The following SLC2A10 variants were observed in gnomAD, a reference collection of about 807,000 sequenced individuals.
SLC2A10 encodes solute carrier family 2 member 10, also known as solute carrier family 2, facilitated glucose transporter member 10.
Under a neutral mutation model 32.1 loss-of-function variants are expected in SLC2A10, and 25 were observed. The ratio of observed to expected loss-of-function variants is 0.78; its 90% confidence interval spans 0.57 to 1.09. The LOEUF (loss-of-function observed/expected upper bound fraction) is 1.09. Among genes scored for constraint, SLC2A10 ranks in the 50% least tolerant of loss-of-function variants. The probability of loss-of-function intolerance (pLI) is 0.00; values close to 1 mark genes in which losing one functional copy is unlikely to be tolerated. For missense variants in SLC2A10, 673 were observed against 686.5 expected (o/e 0.98, Z 0.22); for synonymous variants, 332 against 309.6 (o/e 1.07, Z -0.76).
Position 46,717,607 on chromosome 20 carries a change from A to G in SLC2A10, c.5-7434A>G, listed in dbSNP as rs1295310142. 4.6e-5 allele frequency among the ~76,000 whole-genome samples: 7 copies of G among 151,904 alleles called. No individual in the cohort carries two copies. The East Asian group carries it at 1.4e-3, about 29-fold the overall frequency. On this transcript the variant is annotated intron_variant, in intron 1 of 4. Coordinates refer to ENST00000359271, the MANE Select transcript of SLC2A10 (RefSeq NM_030777.4). ...GCCATGTTGGCCAGGCTGTTCTCGA[A>G]CTCCTGACCACAGGTGATCCACCTG... is the stretch of plus-strand genomic sequence containing the variant.
intron 4 of SLC2A10, 137 bp downstream of exon 4, chr20:46,729,625 GTTTTTTTTTTTTTTTTTTTTT>G (rs68037732): frequency 7.9e-5 from 25 of 318,208 alleles, no homozygotes; most frequent in Admixed American, 1.7e-4. Flanking sequence ...GGCACTATGA[GTTTTTTTTTTTTTTTTTTTTT>G]TTTTTTTTTT....
intron 1 of SLC2A10, among the ~76,000 whole-genome samples, chr20:46,723,417 C>T (rs1296265696): frequency 6.6e-6 from 1 of 152,158 alleles, no homozygotes; most frequent in Admixed American, 6.5e-5. Flanking sequence ...GAAATGTAGT[C>T]TTTTAGCTGG....
intron 1 of SLC2A10, among the ~76,000 whole-genome samples, chr20:46,721,862 A>G (rs1218908385): frequency 6.6e-6 from 1 of 152,236 alleles, no homozygotes; most frequent in Non-Finnish European, 1.5e-5. Context: ...TGGAGAGTAC[A>G]TGTGACTGGT....
chr20:46,724,627 T>TTGGA (rs112083429), intron 1 of SLC2A10, among the ~76,000 whole-genome samples: 1,708 of 134,942 alleles, frequency 0.013, 11 homozygotes, highest in South Asian at 0.014. Flanking sequence ...TGGATGGTGG[T>TTGGA]TGGATGGATG....
At chr20:46,726,720 C>A in intron 2 of SLC2A10, 144 bp from the exon 3 acceptor site, 1 of 1,145,872 alleles carries the variant, frequency 8.7e-7, no homozygotes, top group Non-Finnish European at 1.3e-6. Context: ...TACTGTAATT[C>A]TTATAGCAGA....
At position 46,725,218 on chromosome 20, in the gene SLC2A10, C is replaced by T. The variant is rs1979814209; in HGVS notation, c.182C>T (p.Ala61Val). 3 of 1,614,166 alleles carry T rather than the reference C, an allele frequency of 1.9e-6. No homozygotes were observed. The highest frequency in any genetic ancestry group is 2.5e-6 in the Non-Finnish European group (3 of 1,180,006). Residue 61 changes from alanine to valine, a missense_variant, in exon 2 of 5, where the codon GCC becomes GTC. Transcript: ENST00000359271. ...VGSLLLGALL[A>V]SLVGGFLIDC... Reference sequence around the variant, plus strand: ...AGCCTGCTCCTGGGGGCTCTCCTCGCCTCCCTGGTTGGTGGCTTCCTCATT... The same window carrying T: ...AGCCTGCTCCTGGGGGCTCTCCTCGTCTCCCTGGTTGGTGGCTTCCTCATT...
chr20:46,736,327 GAGTT>G lies in SLC2A10; in HGVS notation c.*2494_*2497del, dbSNP rs1482007670. The G allele has an allele frequency of 6.6e-6, 1 of 151,952 alleles. No homozygotes were observed. Among genetic ancestry groups the G allele is most frequent in the East Asian group, 1.9e-4 (1 of 5,184 alleles). The allele number at this position is 151,952 out of a possible 1,614,324, so 9.4% of individuals were successfully genotyped here. ...TACAATAAAGAGTATTTACAATAAA[GAGTT>G]TGTTATTATTTGTAAATTGTGTGCA... On this transcript the variant is annotated 3_prime_UTR_variant, in exon 5 of 5. Coordinates refer to ENST00000359271, the MANE Select transcript of SLC2A10 (RefSeq NM_030777.4).
At chr20:46,729,601 T>G in intron 4 of SLC2A10, 113 bp downstream of exon 4, 1 of 1,038,854 alleles carries the variant, frequency 9.6e-7, no homozygotes, top group Non-Finnish European at 1.5e-6. Context: ...TCCTCCTGTC[T>G]TCCTTATTGC....
rs1183487236 is a variant in SLC2A10, at chr20:46,734,405, AG to A, written c.*572del. The A allele has an allele frequency of 5.9e-6, 1 of 169,774 alleles. No homozygotes were observed. The highest frequency in any genetic ancestry group is 1.3e-5 in the Non-Finnish European group (1 of 78,630). The allele number at this position is 169,774 out of a possible 1,614,324, so 10.5% of individuals were successfully genotyped here. On this transcript the variant is annotated 3_prime_UTR_variant, in exon 5 of 5. Transcript: ENST00000359271. ...GCGATTCTTGTGCCTCAGCCTCCTA[AG>A]CAGCTGGGACTACAGGCGCATGCAA...
chr20:46,712,253 A>T (rs2425897), intron 1 of SLC2A10, among the ~76,000 whole-genome samples: 149,223 of 152,328 alleles, frequency 0.98, 73,119 homozygotes, highest in East Asian at 1. Flanking sequence ...TCAATTTCAC[A>T]TCTGGCTTCT....
intron 1 of SLC2A10, among the ~76,000 whole-genome samples, chr20:46,710,698 T>A (rs2425896): frequency 0.31 from 46,627 of 152,028 alleles, 8,320 homozygotes; most frequent in East Asian, 0.55. Context: ...AATGAGTTTG[T>A]GTGGCCCAGG....
intron 1 of SLC2A10, among the ~76,000 whole-genome samples, chr20:46,720,401 T>A (rs1164823460): frequency 6.6e-6 from 1 of 152,250 alleles, no homozygotes; most frequent in Non-Finnish European, 1.5e-5. Flanking sequence ...CACTAGTTTG[T>A]TCATTCATAA....
chr20:46,725,397 A>G lies in SLC2A10; in HGVS notation c.361A>G (p.Ile121Val). The change falls in exon 2 of 5, where the codon ATC (isoleucine) becomes GTC (valine). Residue 121 changes from isoleucine (I) to valine (V), a missense_variant. Transcript: ENST00000359271. Reference sequence around the variant, plus strand: ...TTCCCTCTCCTCCATGGCTTGCTGTATCTACGTGTCAGAGCTGGTGGGGCC... The same window carrying G: ...TTCCCTCTCCTCCATGGCTTGCTGTGTCTACGTGTCAGAGCTGGTGGGGCC... ...AISLSSMACC[I>V]YVSELVGPRQ... The G allele has an allele frequency of 6.2e-7, 1 of 1,614,118 alleles. No homozygotes were observed. Among genetic ancestry groups the G allele is most frequent in the Non-Finnish European group, 8.5e-7 (1 of 1,180,010 alleles).
chr20:46,715,634 G>C (rs536837994), intron 1 of SLC2A10, among the ~76,000 whole-genome samples: 1 of 152,104 alleles, frequency 6.6e-6, no homozygotes, highest in Non-Finnish European at 1.5e-5. Flanking sequence ...GAGCAGAAGT[G>C]GGGGTGGAGA....
upstream of SLC2A10, among the ~76,000 whole-genome samples, chr20:46,708,325 G>C (rs1978707254): frequency 6.6e-6 from 1 of 152,190 alleles, no homozygotes; most frequent in South Asian, 2.1e-4. Context: ...CACGTATTGA[G>C]AGGCTGGATA....
chr20:46,729,411 G>A lies in SLC2A10; in HGVS notation c.1470G>A (p.Leu490=). 1 of 1,614,008 alleles carries A rather than the reference G, an allele frequency of 6.2e-7. No homozygotes were observed. Among genetic ancestry groups the A allele is most frequent in the Non-Finnish European group, 8.5e-7 (1 of 1,179,998 alleles). ...ACGGACTGACCGCTGTCCTCGGCCT[G>A]GGCTTCATCTATTTATTTGTTCCTG... ...LLYGLTAVLG[L]GFIYLFVPET... is the part of the protein sequence containing the mutation. The change falls in exon 4 of 5, where the codon CTG becomes CTA. Residue 490 remains leucine, a synonymous_variant. Coordinates refer to ENST00000359271, the MANE Select transcript of SLC2A10 (RefSeq NM_030777.4).
intron 1 of SLC2A10, among the ~76,000 whole-genome samples, chr20:46,715,596 G>T (rs569390190): frequency 1.3e-5 from 2 of 152,320 alleles, no homozygotes; most frequent in Admixed American, 1.3e-4. Context: ...CGTTTCCTTG[G>T]AAGGTAGGAG....
chr20:46,709,784 C>T (rs1353158916), intron 1 of SLC2A10, 44 bp downstream of exon 1: 28 of 1,546,422 alleles, frequency 1.8e-5, no homozygotes, highest in Non-Finnish European at 2.3e-5. Context: ...CCGACCCCTT[C>T]CCAGGGTGTA....
At position 46,735,460 on chromosome 20, in the gene SLC2A10, A is replaced by T. The variant is rs1050940743; in HGVS notation, c.*1626A>T. The stretch of plus-strand genomic sequence containing the variant: ...TAAGTAAATTACATTAAAACAAAAA[A>T]ATTATACTCAAAATTCATTACTTAA... On this transcript the variant is annotated 3_prime_UTR_variant, in exon 5 of 5. Coordinates refer to ENST00000359271, the MANE Select transcript of SLC2A10 (RefSeq NM_030777.4). The T allele has an allele frequency of 3.3e-5, 5 of 152,402 alleles. No individual in the cohort carries two copies. The highest frequency in any genetic ancestry group is 1.2e-4 in the African/African-American group (5 of 41,442). The allele number at this position is 152,402 out of a possible 1,614,324, so 9.4% of individuals were successfully genotyped here. A position where few individuals can be genotyped will look rare whatever the true frequency, so the allele number is the denominator to read the frequency against.
Sources: gnomAD v4.1 joint callset for allele counts (sites outside exome capture counted in the v4.1 genomes callset) on GRCh38, gnomAD v4.1.1 for gene constraint, MANE v1.5 for transcripts, NCBI Gene and HGNC (gene_info 2026-07-23, HGNC 2026-07-21) for gene names.